ADK: variants seen among roughly 807,000 people sequenced by gnomAD.
The protein encoded by ADK is adenosine kinase.
Under a neutral mutation model 44.7 loss-of-function variants are expected in ADK, and 24 were observed. The ratio of observed to expected loss-of-function variants is 0.54; its 90% CI spans 0.39 to 0.76. ADK has a LOEUF of 0.76. ADK is among the 30% of genes least tolerant of loss of function. The pLI is 0.00. For missense variants in ADK, 321 were observed against 425.1 expected (o/e 0.76, Z 2.15); for synonymous variants, 128 against 142.6 (o/e 0.90, Z 0.73).
chr10:74,283,679 T>C (rs975529864), intron 3 of ADK, among the ~76,000 whole-genome samples: 1 of 148,764 alleles, frequency 6.7e-6, no homozygotes, highest in Non-Finnish European at 1.5e-5. Context: ...TTGTTTTCTT[T>C]CTTTCTTTTT....
intron 3 of ADK, among the ~76,000 whole-genome samples, chr10:74,272,759 A>T (rs1846483492): frequency 6.6e-6 from 1 of 152,196 alleles, no homozygotes; most frequent in Non-Finnish European, 1.5e-5. Context: ...TCAGTTGTTC[A>T]CATGAACTTA....
chr10:74,226,037 G>GT (rs962025580), intron 3 of ADK, among the ~76,000 whole-genome samples: 2 of 152,036 alleles, frequency 1.3e-5, no homozygotes, highest in Non-Finnish European at 2.9e-5. Flanking sequence ...TCATTTGAAA[G>GT]TTTTTTTAAC....
chr10:74,456,402 C>T (rs1446710158), intron 6 of ADK, among the ~76,000 whole-genome samples: 2 of 151,878 alleles, frequency 1.3e-5, no homozygotes, highest in Non-Finnish European at 2.9e-5. Flanking sequence ...AGGCTGGGCG[C>T]GGTGGTTCAC....
chr10:74,206,378 G>A (rs772071732), intron 2 of ADK, among the ~76,000 whole-genome samples: 1 of 152,216 alleles, frequency 6.6e-6, no homozygotes, highest in Non-Finnish European at 1.5e-5. Flanking sequence ...TTTTGGGGAG[G>A]TGGCAAGCTT....
rs139960923 is a variant in ADK at position 74,316,185 on chromosome 10, A to G, written c.273+1440A>G. ...AACCTGGGCGGTATAGGTTGCAGTG[A>G]GCTGAGATCATGCCACTGCACTCCA... On this transcript the variant is annotated intron_variant, in intron 4 of 10. Transcript: ENST00000539909. Among the ~76,000 whole-genome samples, 82 of 152,082 alleles carry G rather than the reference A, an allele frequency of 5.4e-4. 1 individual carries two copies. In the East Asian group the frequency reaches 0.013, roughly 23 times the overall value.
At chr10:74,530,345 A>G (rs963889681) in intron 7 of ADK, among the ~76,000 whole-genome samples, 2 of 152,342 alleles carry the variant, frequency 1.3e-5, no homozygotes, top group Non-Finnish European at 1.5e-5. Context: ...AAAATAAAGT[A>G]TACTGTGTTT....
intron 7 of ADK, among the ~76,000 whole-genome samples, chr10:74,579,368 G>T (rs536138756): frequency 7.9e-5 from 12 of 152,120 alleles, no homozygotes; most frequent in Middle Eastern, 3.4e-3. Flanking sequence ...AATATGGCAG[G>T]ATCCTTTAGC....
chr10:74,668,011 G>A (rs975560869), intron 9 of ADK, among the ~76,000 whole-genome samples: 1 of 152,048 alleles, frequency 6.6e-6, no homozygotes, highest in Non-Finnish European at 1.5e-5. Context: ...TTTCCAATCT[G>A]TAAGTCTAGT....
chr10:74,327,568 GT>G (rs1166277450), intron 4 of ADK, among the ~76,000 whole-genome samples: 1 of 152,088 alleles, frequency 6.6e-6, no homozygotes, highest in African/African-American at 2.4e-5. Context: ...TCTGGATAAT[GT>G]TTCTGTTGCT....
intron 4 of ADK, among the ~76,000 whole-genome samples, chr10:74,351,462 A>ATGGTTG (rs1479371685): frequency 6.6e-6 from 1 of 152,218 alleles, no homozygotes; most frequent in Non-Finnish European, 1.5e-5. Context: ...AGCCAATATC[A>ATGGTTG]TACTGAACAG....
intron 5 of ADK, among the ~76,000 whole-genome samples, chr10:74,396,774 T>A (rs1294456474): frequency 6.6e-6 from 1 of 151,694 alleles, no homozygotes; most frequent in Non-Finnish European, 1.5e-5. Flanking sequence ...GCCAACATGG[T>A]GAAACTCCAC....
At chr10:74,531,145 CA>C (rs1199174288) in intron 7 of ADK, among the ~76,000 whole-genome samples, 1 of 152,094 alleles carries the variant, frequency 6.6e-6, no homozygotes, top group East Asian at 1.9e-4. Context: ...AGGAAGACCA[CA>C]AAAAGAACCA....
chr10:74,392,282 C>T (rs1394065415), intron 4 of ADK, among the ~76,000 whole-genome samples: 4 of 152,186 alleles, frequency 2.6e-5, no homozygotes, highest in African/African-American at 9.6e-5. Flanking sequence ...TCCACCAACA[C>T]TGCACAAGGG....
intron 9 of ADK, among the ~76,000 whole-genome samples, chr10:74,664,926 G>A (rs1253493819): frequency 6.6e-6 from 1 of 152,170 alleles, no homozygotes; most frequent in Non-Finnish European, 1.5e-5. Context: ...GGACAATTAA[G>A]AAAATTGAAC....
At chr10:74,430,065 G>A (rs1041151163) in intron 6 of ADK, among the ~76,000 whole-genome samples, 3 of 152,136 alleles carry the variant, frequency 2.0e-5, no homozygotes, top group African/African-American at 7.2e-5. Flanking sequence ...GAGGCACGGA[G>A]GTGTTAACTT....
chr10:74,419,369 G>A (rs148995373), intron 6 of ADK, among the ~76,000 whole-genome samples: 214 of 152,138 alleles, frequency 1.4e-3, no homozygotes, highest in African/African-American at 4.6e-3. Context: ...GTGTGATAAA[G>A]CATATTACTA....
At chr10:74,346,383 C>T (rs1197405686) in intron 4 of ADK, among the ~76,000 whole-genome samples, 1 of 152,164 alleles carries the variant, frequency 6.6e-6, no homozygotes, top group Non-Finnish European at 1.5e-5. Flanking sequence ...AGGTAGGCCT[C>T]ATCCTTTGTA....
chr10:74,391,650 T>TACACACACACACAC lies in ADK; in HGVS notation c.274-2490_274-2489insCACACACACACACA, dbSNP rs1491120125. Among the ~76,000 whole-genome samples, 510 of 134,688 alleles carry TACACACACACACAC rather than the reference T, an allele frequency of 3.8e-3. 2 individuals carry two copies. Among genetic ancestry groups the TACACACACACACAC allele is most frequent in the African/African-American group, 9.7e-3 (320 of 32,984 alleles). The allele number at this position is 134,688 out of a possible 152,430, so 88.4% of individuals were successfully genotyped here. A position where few individuals can be genotyped will look rare whatever the true frequency, so the allele number is the denominator to read the frequency against. ...TGAATTCAGGAGTTCGAGGCAAGAA[T>TACACACACACACAC]ATACACACACACACACACACACACA... On this transcript the variant is annotated intron_variant, in intron 4 of 10. Transcript: ENST00000539909.
intron 4 of ADK, among the ~76,000 whole-genome samples, chr10:74,342,779 T>TTGTGTGTG (rs757212421): frequency 0.027 from 3,788 of 141,372 alleles, 135 homozygotes; most frequent in African/African-American, 0.081. Flanking sequence ...CTAGCTCAGT[T>TTGTGTGTG]TGTGTGTGTG....
Sources: allele counts gnomAD v4.1 joint callset (sites outside exome capture counted in the v4.1 genomes callset), GRCh38; gene constraint gnomAD v4.1.1; transcripts MANE v1.5; gene names NCBI Gene and HGNC (gene_info 2026-07-23, HGNC 2026-07-21).